Variants in SLC35F4 observed in about 807,000 individuals in gnomAD.
SLC35F4 encodes chromosome 14 open reading frame 36.
SLC35F4 carries 24 observed loss-of-function variants against 44.2 expected under a neutral mutation model. That is an observed-to-expected ratio of 0.54 (90% CI 0.39 to 0.76). The LOEUF is 0.76. Ranked by LOEUF, SLC35F4 falls within the 30% of genes least tolerant of loss-of-function variation. The pLI is 0.00. For synonymous variants in SLC35F4, 238 were observed against 223.6 expected (o/e 1.06, Z -0.57); for missense variants, 562 against 586.1 (o/e 0.96, Z 0.42).
At chr14:57,828,438 T>C (rs2140929614) in intron 1 of SLC35F4, among the ~76,000 whole-genome samples, 1 of 152,216 alleles carries the variant, frequency 6.6e-6, no homozygotes, top group Non-Finnish European at 1.5e-5. Flanking sequence ...TGGGCCAAAT[T>C]CTCATGTGAT....
At chr14:57,818,289 T>C (rs1319124843) in intron 1 of SLC35F4, among the ~76,000 whole-genome samples, 1 of 152,148 alleles carries the variant, frequency 6.6e-6, no homozygotes, top group Non-Finnish European at 1.5e-5. Context: ...ACCCACTTGC[T>C]GAATGTGTGC....
chr14:57,631,681 G>A (rs1389057932), intron 1 of SLC35F4, among the ~76,000 whole-genome samples: 1 of 152,026 alleles, frequency 6.6e-6, no homozygotes, highest in Non-Finnish European at 1.5e-5. Context: ...TTGGAAAAAG[G>A]ATTAGTCAGT....
At chr14:57,837,488 G>A (rs759190198) in intron 1 of SLC35F4, 1 of 152,164 alleles carries the variant, frequency 6.6e-6, no homozygotes, top group Admixed American at 6.6e-5. Flanking sequence ...TTGACCAAGG[G>A]TAGACCTCCT....
intron 1 of SLC35F4, among the ~76,000 whole-genome samples, chr14:57,797,482 T>C (rs1461582766): frequency 1.3e-5 from 2 of 152,210 alleles, no homozygotes; most frequent in African/African-American, 4.8e-5. Flanking sequence ...ACTAGCTGTG[T>C]ATTCTTCTGC....
chr14:57,908,956 T>G (rs1462239396), intron 1 of SLC35F4, among the ~76,000 whole-genome samples: 2 of 152,216 alleles, frequency 1.3e-5, no homozygotes, highest in African/African-American at 4.8e-5. Context: ...GAGTTAATTT[T>G]TGTATAACGT....
chr14:57,709,662 C>T (rs1350999956), intron 1 of SLC35F4, among the ~76,000 whole-genome samples: 2 of 152,106 alleles, frequency 1.3e-5, no homozygotes, highest in African/African-American at 4.8e-5. Flanking sequence ...AGACTGGCAA[C>T]ATTTTGCCCC....
At chr14:57,767,358 TACAA>T (rs2077260194) in intron 1 of SLC35F4, among the ~76,000 whole-genome samples, 1 of 152,190 alleles carries the variant, frequency 6.6e-6, no homozygotes. Flanking sequence ...ATTAAAATCA[TACAA>T]TTTTTTCTGA....
chr14:57,599,679 T>TA (rs1341360568), intron 1 of SLC35F4, among the ~76,000 whole-genome samples: 1 of 150,978 alleles, frequency 6.6e-6, no homozygotes, highest in Non-Finnish European at 1.5e-5. Context: ...CCGTCTCTAC[T>TA]AAAAATACAA....
intron 1 of SLC35F4, among the ~76,000 whole-genome samples, chr14:57,788,713 T>C (rs1043232925): frequency 6.6e-6 from 1 of 152,146 alleles, no homozygotes; most frequent in Non-Finnish European, 1.5e-5. Context: ...AGAATAGACA[T>C]TCTTCTGAGC....
intron 1 of SLC35F4, among the ~76,000 whole-genome samples, chr14:57,637,820 C>T (rs992089021): frequency 6.6e-6 from 1 of 152,036 alleles, no homozygotes; most frequent in African/African-American, 2.4e-5. Flanking sequence ...GAATGAACCC[C>T]TCTTGGCAAA....
chr14:57,755,294 G>T (rs2076970798), intron 1 of SLC35F4, among the ~76,000 whole-genome samples: 1 of 152,162 alleles, frequency 6.6e-6, no homozygotes, highest in Admixed American at 6.5e-5. Flanking sequence ...AAATGACAAT[G>T]CAGGGTGAAT....
intron 1 of SLC35F4, among the ~76,000 whole-genome samples, chr14:57,934,163 C>A (rs1008623616): frequency 4.0e-5 from 6 of 151,576 alleles, no homozygotes; most frequent in Non-Finnish European, 8.8e-5. Flanking sequence ...CTAATCTTCA[C>A]GGAAAATTCC....
chr14:57,656,423 T>C (rs2073976241), intron 1 of SLC35F4, among the ~76,000 whole-genome samples: 1 of 150,942 alleles, frequency 6.6e-6, no homozygotes, highest in Non-Finnish European at 1.5e-5. Flanking sequence ...ACATGATATA[T>C]ATACACACGT....
intron 1 of SLC35F4, among the ~76,000 whole-genome samples, chr14:57,775,865 G>A (rs1186178036): frequency 6.6e-6 from 1 of 152,120 alleles, no homozygotes; most frequent in Non-Finnish European, 1.5e-5. Flanking sequence ...TGAGATTCAG[G>A]AGAACACTGA....
chr14:57,913,597 C>T (rs1361850113), intron 1 of SLC35F4, among the ~76,000 whole-genome samples: 1 of 152,100 alleles, frequency 6.6e-6, no homozygotes, highest in Non-Finnish European at 1.5e-5. Context: ...ATTAATTCCT[C>T]CTGCCCTTCC....
intron 1 of SLC35F4, among the ~76,000 whole-genome samples, chr14:57,896,837 T>A (rs1331486049): frequency 6.6e-6 from 1 of 151,878 alleles, no homozygotes; most frequent in Non-Finnish European, 1.5e-5. Context: ...GAGAATTAAA[T>A]TACATAATGT....
At chr14:57,580,201 T>TCTAA (rs775106763) in intron 4 of SLC35F4, among the ~76,000 whole-genome samples, 1 of 152,204 alleles carries the variant, frequency 6.6e-6, no homozygotes, top group African/African-American at 2.4e-5. Context: ...ATCAGAATTG[T>TCTAA]CTAACTAACT....
intron 1 of SLC35F4, among the ~76,000 whole-genome samples, chr14:57,673,491 T>C (rs1221238351): frequency 1.3e-5 from 2 of 152,076 alleles, no homozygotes; most frequent in African/African-American, 4.8e-5. Flanking sequence ...AAAGGTGATA[T>C]GCATATGTAA....
At chr14:57,620,060 G>C (rs891338279) in intron 1 of SLC35F4, among the ~76,000 whole-genome samples, 1 of 152,160 alleles carries the variant, frequency 6.6e-6, no homozygotes, top group South Asian at 2.1e-4. Context: ...CCAAATGTGT[G>C]TTTGATTGGT....
Sources: gnomAD v4.1 joint callset for allele counts (sites outside exome capture counted in the v4.1 genomes callset) on GRCh38, gnomAD v4.1.1 for gene constraint, MANE v1.5 for transcripts, NCBI Gene and HGNC (gene_info 2026-07-23, HGNC 2026-07-21) for gene names.